The following PARD6G variants were observed in gnomAD, a reference collection of about 807,000 sequenced individuals.
The protein encoded by PARD6G is partitioning defective 6 homolog gamma.
PARD6G carries 7 observed loss-of-function variants against 10.7 expected under a neutral mutation model. The observed-to-expected ratio is 0.66, with a 90% CI of 0.37 to 1.23. PARD6G has a LOEUF of 1.23. Among genes scored for constraint, PARD6G ranks in the 50% most tolerant of loss-of-function variants. PARD6G has a pLI of 0.02. For synonymous variants in PARD6G, 287 were observed against 269.4 expected, an observed-to-expected ratio of 1.07 and a Z score of -0.64; for missense variants, 548 against 571.8, an observed-to-expected ratio of 0.96 and a Z score of 0.42.
At chr18:80,186,085 C>T (rs1441795440) in intron 2 of PARD6G, among the ~76,000 whole-genome samples, 3 of 146,170 alleles carry the variant, frequency 2.1e-5, no homozygotes, top group Non-Finnish European at 3.0e-5. Context: ...CTCACACTCG[C>T]ATATACAGTC....
At position 80,182,659 on chromosome 18, in the gene PARD6G, C is replaced by G. The variant is rs905884893; in HGVS notation, c.295+20051G>C. On this transcript the variant is annotated intron_variant, in intron 2 of 2. Coordinates refer to ENST00000353265, the MANE Select transcript of PARD6G (RefSeq NM_032510.4). This position sits in a 1 kb window ranked among gnomAD's most constrained non-coding sequence, Gnocchi z 4.5. ...ATAGCTTCCACAGGGAAAAAAGGTG[C>G]AAGTCCAACAGACACCCTTTCCAGT... Among the ~76,000 whole-genome samples the G allele has an allele frequency of 2.6e-5, 4 of 152,190 alleles. No homozygotes were observed. The highest frequency in any genetic ancestry group is 4.4e-5 in the Non-Finnish European group (3 of 68,040).
rs909926082 is a variant in PARD6G at position 80,228,332 on chromosome 18, C to T, written c.72+18945G>A. Among the ~76,000 whole-genome samples the T allele has an allele frequency of 5.3e-5, 8 of 152,068 alleles. No individual in the cohort carries two copies. The highest frequency in any genetic ancestry group is 1.7e-4 in the African/African-American group (7 of 41,398). ...GGGGAGGCCAGGGGAGGGGAGTTCC[C>T]GGACACACGGTCCTGGAGAACACAG... is the stretch of plus-strand genomic sequence containing the variant. On this transcript the variant is annotated intron_variant, in intron 1 of 2. Coordinates refer to ENST00000353265, the MANE Select transcript of PARD6G (RefSeq NM_032510.4). This position sits in a 1 kb window ranked among gnomAD's most constrained non-coding sequence, Gnocchi z 4.6.
chr18:80,247,261 C>G lies in PARD6G; in HGVS notation c.72+16G>C. ...GAGACTGGGCGCAGGGCCGCCGGGGCGGGCGGGGGGCTTACCTTGCTCTTG... is the reference window on the plus strand; with the variant it reads ...GAGACTGGGCGCAGGGCCGCCGGGGGGGGCGGGGGGCTTACCTTGCTCTTG... On this transcript the variant is annotated intron_variant, in intron 1 of 2. Transcript: ENST00000353265. The surrounding 1 kb of genome is among the most constrained non-coding windows in gnomAD (Gnocchi z 4.2). 1.9e-6 allele frequency: 3 copies of G among 1,564,678 alleles called. No individual in the cohort carries two copies. The highest frequency in any genetic ancestry group is 1.8e-5 in the Admixed American group (1 of 55,270).
At chr18:80,210,206 T>C (rs1400452743) in intron 1 of PARD6G, among the ~76,000 whole-genome samples, 1 of 152,158 alleles carries the variant, frequency 6.6e-6, no homozygotes, top group Non-Finnish European at 1.5e-5. Context: ...TTTAAGTTAA[T>C]CTCCAAGCAC....
In PARD6G at chr18:80,181,956, G is replaced by A. The variant is rs547874368; in HGVS notation, c.295+20754C>T. ...CTGCAGCACACAACACGTTTCCAGT[G>A]GAGAAGCCCTTTGCAGAGTTCAGAG... On this transcript the variant is annotated intron_variant, in intron 2 of 2. Transcript: ENST00000353265. The surrounding 1 kb of genome is among the most constrained non-coding windows in gnomAD (Gnocchi z 7.9). 1.3e-5 allele frequency among the ~76,000 whole-genome samples: 2 copies of A among 152,314 alleles called. No individual in the cohort carries two copies. The highest frequency in any genetic ancestry group is 1.9e-4 in the East Asian group (1 of 5,184).
intron 2 of PARD6G, among the ~76,000 whole-genome samples, chr18:80,173,782 T>C (rs563470916): frequency 6.6e-6 from 1 of 152,318 alleles, no homozygotes; most frequent in South Asian, 2.1e-4. Context: ...CACTTTTCTC[T>C]GCCAAAAGGA....
intron 2 of PARD6G, among the ~76,000 whole-genome samples, chr18:80,199,463 T>C (rs1011366112): frequency 6.6e-6 from 1 of 152,206 alleles, no homozygotes; most frequent in Admixed American, 6.5e-5. Flanking sequence ...TCTCGCCTTA[T>C]GGATATTGTG....
rs144159359 is a variant in PARD6G at position 80,197,728 on chromosome 18, A to T, written c.295+4982T>A. The T allele has an allele frequency of 3.3e-5, 5 of 151,938 alleles. No homozygotes were observed. The East Asian group carries it at 9.6e-4, about 29-fold the overall frequency. 9.4% of individuals were successfully genotyped at this position (151,938 alleles called of 1,614,324 possible). ...AAGTTACTGTTTGCACTTCCTGTTT[A>T]TCCTGCTAAAAATAGAGATGCTCCA... On this transcript the variant is annotated intron_variant, in intron 2 of 2. Transcript: ENST00000353265.
At chr18:80,211,644 G>A (rs1228694531) in intron 1 of PARD6G, among the ~76,000 whole-genome samples, 1 of 152,218 alleles carries the variant, frequency 6.6e-6, no homozygotes, top group African/African-American at 2.4e-5. Context: ...ACAATAGCTA[G>A]AATGTAAAAA....
Position 80,181,641 on chromosome 18 carries a change from C to T in PARD6G, c.296-21035G>A, listed in dbSNP as rs574494276. ...TCTCCTCCCCATCCTCCCTCATCAGCGACTGTGCCCCTGCCTCCTGCTTGG... is the reference window on the plus strand; with the variant it reads ...TCTCCTCCCCATCCTCCCTCATCAGTGACTGTGCCCCTGCCTCCTGCTTGG... On this transcript the variant is annotated intron_variant, in intron 2 of 2. Coordinates refer to ENST00000353265, the MANE Select transcript of PARD6G (RefSeq NM_032510.4). This position sits in a 1 kb window ranked among gnomAD's most constrained non-coding sequence, Gnocchi z 7.9. 1.4e-4 allele frequency among the ~76,000 whole-genome samples: 21 copies of T among 152,184 alleles called. No homozygotes were observed. Among genetic ancestry groups the T allele is most frequent in the Non-Finnish European group, 2.5e-4 (17 of 68,004 alleles).
chr18:80,183,018 C>A lies in PARD6G; in HGVS notation c.295+19692G>T. ...CCCAGTGGAATGAGATGGCTGGGGT[C>A]TCATGAGGGGCCAGCTGCGTGGGCC... On this transcript the variant is annotated intron_variant, in intron 2 of 2. Transcript: ENST00000353265. The surrounding 1 kb of genome is among the most constrained non-coding windows in gnomAD (Gnocchi z 4.5). The A allele has an allele frequency of 1.5e-6, 1 of 686,658 alleles. No homozygotes were observed. Among genetic ancestry groups the A allele is most frequent in the Non-Finnish European group, 2.7e-6 (1 of 375,730 alleles). 42.5% of individuals were successfully genotyped at this position (686,658 alleles called of 1,614,324 possible).
At chr18:80,203,321 T>C (rs2145281309) in intron 1 of PARD6G, among the ~76,000 whole-genome samples, 1 of 152,188 alleles carries the variant, frequency 6.6e-6, no homozygotes. Flanking sequence ...GGGGAGATAG[T>C]GACAAACAGC....
intron 2 of PARD6G, among the ~76,000 whole-genome samples, chr18:80,164,314 C>T (rs1599842231): frequency 6.6e-6 from 1 of 152,200 alleles, no homozygotes; most frequent in Non-Finnish European, 1.5e-5. Flanking sequence ...ATCCTAACAG[C>T]CCCTCCTCCT....
At chr18:80,229,520 G>A (rs1296924401) in intron 1 of PARD6G, among the ~76,000 whole-genome samples, 1 of 152,156 alleles carries the variant, frequency 6.6e-6, no homozygotes, top group South Asian at 2.1e-4. Flanking sequence ...GATGTTCCTT[G>A]AACCAGAAGC....
At chr18:80,230,145 G>A (rs1218653217) in intron 1 of PARD6G, among the ~76,000 whole-genome samples, 1 of 152,214 alleles carries the variant, frequency 6.6e-6, no homozygotes, top group African/African-American at 2.4e-5. Flanking sequence ...CCTACAGCAG[G>A]GTCTGTTGGG....
intron 2 of PARD6G, chr18:80,162,725 G>C (rs868033098): frequency 6.1e-6 from 1 of 163,668 alleles, no homozygotes; most frequent in African/African-American, 2.4e-5. Context: ...GATATGATAG[G>C]AACAGTGCGG....
chr18:80,165,080 G>C (rs918993754), intron 2 of PARD6G, among the ~76,000 whole-genome samples: 4 of 152,166 alleles, frequency 2.6e-5, no homozygotes, highest in Non-Finnish European at 5.9e-5. Flanking sequence ...AACAGGGTTC[G>C]AGAGCAGAGA....
At chr18:80,235,758 G>T (rs1324734661) in intron 1 of PARD6G, among the ~76,000 whole-genome samples, 2 of 152,126 alleles carry the variant, frequency 1.3e-5, no homozygotes, top group Non-Finnish European at 2.9e-5. Flanking sequence ...TAGAAGAAAT[G>T]GATAAATTCC....
intron 1 of PARD6G, among the ~76,000 whole-genome samples, chr18:80,243,100 A>AG (rs1383974768): frequency 6.6e-6 from 1 of 152,170 alleles, no homozygotes; most frequent in Non-Finnish European, 1.5e-5. Flanking sequence ...GTTTAATATA[A>AG]TCAATAATCT....
Sources: gnomAD v4.1 joint callset for allele counts (sites outside exome capture counted in the v4.1 genomes callset) on GRCh38, gnomAD v4.1.1 for gene constraint, Gnocchi (gnomAD v3.1) non-coding constraint, MANE v1.5 for transcripts, NCBI Gene and HGNC (gene_info 2026-07-23, HGNC 2026-07-21) for gene names.